NCKAP1: variants seen among roughly 807,000 people sequenced by gnomAD.
NCKAP1 encodes nck-associated protein 1.
A neutral mutation model predicts 151.2 loss-of-function variants in NCKAP1; 21 were observed. That is an observed-to-expected ratio of 0.14 (90% CI 0.10 to 0.20). The LOEUF is 0.20. Among genes scored for constraint, NCKAP1 ranks in the 10% least tolerant of loss-of-function variants. NCKAP1 has a pLI of 1.00. For missense variants in NCKAP1, 933 were observed against 1,352.1 expected, an observed-to-expected ratio of 0.69 and a Z score of 4.86; for synonymous variants, 484 against 451.8, an observed-to-expected ratio of 1.07 and a Z score of -0.90.
chr2:182,935,204 A>G, intron 25 of NCKAP1, 89 bp downstream of exon 25: 1 of 889,554 alleles, frequency 1.1e-6, no homozygotes, highest in Non-Finnish European at 1.7e-6. Context: ...TATCATTGCT[A>G]AGCATGAATC....
At chr2:182,983,060 G>T in intron 11 of NCKAP1, 133 bp from the exon 12 acceptor site, 3 of 729,754 alleles carry the variant, frequency 4.1e-6, no homozygotes, top group Non-Finnish European at 6.8e-6. Context: ...TAACAGAAGA[G>T]GACACAAGAG....
At chr2:182,998,889 C>T (rs574199135) in intron 6 of NCKAP1, among the ~76,000 whole-genome samples, 4 of 139,968 alleles carry the variant, frequency 2.9e-5, no homozygotes, top group African/African-American at 1.1e-4. Context: ...AGCAATCCCA[C>T]TTACTAATAG....
At chr2:182,962,391 A>C in intron 17 of NCKAP1, 113 bp from the exon 18 acceptor site, 1 of 992,812 alleles carries the variant, frequency 1.0e-6, no homozygotes, top group Non-Finnish European at 1.4e-6. Context: ...CGCAATAGTG[A>C]GGGTGGGAGA....
chr2:183,004,436 A>C (rs2105877482), intron 2 of NCKAP1, among the ~76,000 whole-genome samples: 1 of 150,716 alleles, frequency 6.6e-6, no homozygotes, highest in East Asian at 2.0e-4. Context: ...GCCTAACATC[A>C]GAGGAATATA....
chr2:182,989,473 A>C (rs1045200452), intron 8 of NCKAP1, among the ~76,000 whole-genome samples: 5 of 152,234 alleles, frequency 3.3e-5, no homozygotes, highest in African/African-American at 1.2e-4. Flanking sequence ...CATTTATAAA[A>C]TATTTTCAAC....
intron 18 of NCKAP1, among the ~76,000 whole-genome samples, chr2:182,961,713 AAAACTT>A (rs1460773032): frequency 1.3e-5 from 2 of 152,254 alleles, no homozygotes; most frequent in East Asian, 1.9e-4. Flanking sequence ...CATGTACCCT[AAAACTT>A]AAAGTATAAT....
At chr2:182,927,570 T>C (rs1696673487) in intron 29 of NCKAP1, among the ~76,000 whole-genome samples, 1 of 151,990 alleles carries the variant, frequency 6.6e-6, no homozygotes, top group Non-Finnish European at 1.5e-5. Context: ...ACTACATTGA[T>C]AGAGAAACTA....
At chr2:182,954,848 C>T (rs1005598302) in intron 20 of NCKAP1, among the ~76,000 whole-genome samples, 11 of 151,786 alleles carry the variant, frequency 7.2e-5, no homozygotes, top group African/African-American at 2.4e-4. Flanking sequence ...CAAGCTGTTC[C>T]CCTTGCCTTG....
rs1696457514 is a variant in NCKAP1, at chr2:182,915,762, T to C, written c.*9940A>G. 1 of 152,174 alleles carries C rather than the reference T, an allele frequency of 6.6e-6. No individual in the cohort carries two copies. Among genetic ancestry groups the C allele is most frequent in the African/African-American group, 2.4e-5 (1 of 41,450 alleles). The allele number at this position is 152,174 out of a possible 1,614,324, so 9.4% of individuals were successfully genotyped here. The stretch of plus-strand genomic sequence containing the variant: ...TTTTCTATGAAGTACTGACTCTAGC[T>C]AGGGGTGAGTCACCAGAATAAAATG... On this transcript the variant is annotated 3_prime_UTR_variant, in exon 31 of 31. Transcript: ENST00000361354.
Position 183,020,490 on chromosome 2 carries a change from GA to G in NCKAP1, c.219+3315del, listed in dbSNP as rs895668148. On this transcript the variant is annotated intron_variant, in intron 2 of 30. Coordinates refer to ENST00000361354, the MANE Select transcript of NCKAP1 (RefSeq NM_013436.5). Reference sequence around the variant, plus strand: ...AAAAAAAAAAAAAAAAGAAAAAAAAGAAAAAAAAATTTATTGCATTTTCACC... The same window carrying G: ...AAAAAAAAAAAAAAAAGAAAAAAAAGAAAAAAAATTTATTGCATTTTCACC... Among the ~76,000 whole-genome samples the G allele has an allele frequency of 2.4e-4, 33 of 135,450 alleles. No individual in the cohort carries two copies. The East Asian group carries it at 3.9e-3, about 16-fold the overall frequency. The allele number at this position is 135,450 out of a possible 152,430, so 88.9% of individuals were successfully genotyped here. A position where few individuals can be genotyped will look rare whatever the true frequency, so the allele number is the denominator to read the frequency against.
chr2:182,994,379 G>A lies in NCKAP1; in HGVS notation c.790+460C>T, dbSNP rs192363850. On this transcript the variant is annotated intron_variant, in intron 8 of 30. Coordinates refer to ENST00000361354, the MANE Select transcript of NCKAP1 (RefSeq NM_013436.5). ...CTGGCCGGGTGCAGTGGCTCACACC[G>A]ATAATCCCAGCACTGTGGGAGGCCG... Among the ~76,000 whole-genome samples the A allele has an allele frequency of 2.0e-3, 299 of 152,044 alleles. 1 individual carries two copies. Among genetic ancestry groups the A allele is most frequent in the East Asian group, 4.8e-3 (25 of 5,164 alleles).
intron 7 of NCKAP1, 84 bp from the exon 8 acceptor site, chr2:182,994,971 G>A (rs1220310691): frequency 9.1e-7 from 1 of 1,094,130 alleles, no homozygotes; most frequent in Non-Finnish European, 1.4e-6. Flanking sequence ...CCTTTCTCCT[G>A]ATAACTTACT....
chr2:182,963,757 T>C (rs1697503565), intron 17 of NCKAP1, among the ~76,000 whole-genome samples: 1 of 152,052 alleles, frequency 6.6e-6, no homozygotes, highest in Admixed American at 6.6e-5. Flanking sequence ...ACATCTCAGG[T>C]GTCAAGTTTG....
chr2:182,970,859 C>T lies in NCKAP1; in HGVS notation c.1483-3498G>A, dbSNP rs904213848. 1.7e-4 allele frequency among the ~76,000 whole-genome samples: 4 copies of T among 24,096 alleles called. No individual in the cohort carries two copies. The South Asian group carries it at 7.3e-3, about 44-fold the overall frequency. The allele number at this position is 24,096 out of a possible 152,430, so 15.8% of individuals were successfully genotyped here. ...TGAAGAAAATATGATATTATATTTACAAAAACCTAAAGACTATTAAAACTG... is the reference window on the plus strand; with the variant it reads ...TGAAGAAAATATGATATTATATTTATAAAAACCTAAAGACTATTAAAACTG... On this transcript the variant is annotated intron_variant, in intron 15 of 30. Transcript: ENST00000361354.
At chr2:182,963,354 C>CA (rs569959524) in intron 17 of NCKAP1, among the ~76,000 whole-genome samples, 1 of 152,214 alleles carries the variant, frequency 6.6e-6, no homozygotes, top group South Asian at 2.1e-4. Flanking sequence ...TAAGACTGCT[C>CA]AAATTTGTTC....
intron 23 of NCKAP1, among the ~76,000 whole-genome samples, chr2:182,949,174 T>C (rs1360323299): frequency 6.6e-6 from 1 of 152,198 alleles, no homozygotes; most frequent in Non-Finnish European, 1.5e-5. Flanking sequence ...CAGTAATTGA[T>C]AAGATGGCCT....
intron 10 of NCKAP1, among the ~76,000 whole-genome samples, chr2:182,984,423 G>GTGTGTGTGTGTGTGTGTGTGT (rs1553515251): frequency 3.3e-4 from 47 of 144,394 alleles, no homozygotes; most frequent in Middle Eastern, 3.6e-3. Flanking sequence ...TTTAGATTGG[G>GTGTGTGTGTGTGTGTGTGTGT]GTGTGTGTGT....
rs1265827179 is a variant in NCKAP1, at chr2:182,995,749, G to A, written c.693C>T (p.Ser231=). 12 of 1,613,806 alleles carry A rather than the reference G, an allele frequency of 7.4e-6. No individual in the cohort carries two copies. Among genetic ancestry groups the A allele is most frequent in the Non-Finnish European group, 9.3e-6 (11 of 1,179,774 alleles). The change falls in exon 7 of 31, where the codon AGC becomes AGT. Residue 231 remains serine, a synonymous_variant. Transcript: ENST00000361354. ...GCATTGTACTAGGTGCACTGATGAG[G>A]CTCAATAACTGGGCATTTCTCCACT... ...ADQWRNAQLL[S]LISAPSTMLN...
intron 1 of NCKAP1, chr2:183,024,879 T>C (rs1698866640): frequency 7.4e-7 from 1 of 1,344,100 alleles, no homozygotes; most frequent in Middle Eastern, 1.8e-4. Flanking sequence ...CATTGTTTAC[T>C]ATGGCTATGT....
Sources: allele counts gnomAD v4.1 joint callset (sites outside exome capture counted in the v4.1 genomes callset), GRCh38; gene constraint gnomAD v4.1.1; transcripts MANE v1.5; gene names NCBI Gene and HGNC (gene_info 2026-07-23, HGNC 2026-07-21).